The following NTMT1 variants were observed in gnomAD, a reference collection of about 807,000 sequenced individuals.
NTMT1 encodes N-terminal RCC1 methyltransferase.
NTMT1 carries 8 observed loss-of-function variants against 17.5 expected under a neutral mutation model. The ratio of observed to expected loss-of-function variants is 0.46; its 90% CI spans 0.27 to 0.82. NTMT1 has a LOEUF of 0.82. Ranked by LOEUF, NTMT1 falls within the 40% of genes least tolerant of loss-of-function variation. NTMT1 has a pLI of 0.15. For synonymous variants in NTMT1, 128 were observed against 126.8 expected, an observed-to-expected ratio of 1.01 and a Z score of -0.06; for missense variants, 221 against 303.5, an observed-to-expected ratio of 0.73 and a Z score of 2.02.
chr9:129,634,022 C>T, intron 2 of NTMT1, 32 bp from the exon 3 acceptor site: 1 of 1,596,792 alleles, frequency 6.3e-7, no homozygotes. Flanking sequence ...TGACAGGGTC[C>T]CTCTGATAGG....
chr9:129,613,035 G>T lies in NTMT1; in HGVS notation c.-55+3857G>T. The stretch of plus-strand genomic sequence containing the variant: ...CAGCCCCAGCCACTCCACCAAACAG[G>T]GCTGCTCCCGGAGCCAGCTGCCAGC... On this transcript the variant is annotated intron_variant, in intron 1 of 3. Coordinates refer to the NTMT1 transcript ENST00000372486. The surrounding 1 kb of genome is among the most constrained non-coding windows in gnomAD (Gnocchi z 6.2). The T allele has an allele frequency of 2.5e-6, 4 of 1,589,014 alleles. No homozygotes were observed. The highest frequency in any genetic ancestry group is 3.4e-6 in the Non-Finnish European group (4 of 1,168,974).
At chr9:129,622,113 C>A (rs1437675883), upstream of NTMT1, among the ~76,000 whole-genome samples, 3 of 152,222 alleles carry the variant, frequency 2.0e-5, no homozygotes, top group Non-Finnish European at 4.4e-5. Context: ...CCTACCCTTT[C>A]CAGATCTGGG....
chr9:129,634,184 T>C lies in NTMT1; in HGVS notation c.293T>C (p.Val98Ala), dbSNP rs767744773. ...GTCGACATAACGGAGGACTTCCTGG[T>C]TCAAGCCAAGACCTACCTGGGGGAG... Reference protein sequence around the residue: ...DMVDITEDFLVQAKTYLGEEG... With the variant: ...DMVDITEDFLAQAKTYLGEEG... Residue 98 changes from valine to alanine, a missense_variant, in exon 3 of 4, where the codon GTT (valine) becomes GCT (alanine). Physicochemically the swap from Val to Ala is moderately conservative, Grantham distance 64. Coordinates refer to ENST00000372483, the MANE Select transcript of NTMT1 (RefSeq NM_014064.4). 17 of 1,614,092 alleles carry C rather than the reference T, an allele frequency of 1.1e-5. No individual in the cohort carries two copies. In the East Asian group the frequency reaches 3.8e-4, roughly 36 times the overall value.
chr9:129,635,058 A>ATC, intron 3 of NTMT1, 150 bp from the exon 4 acceptor site: 2 of 877,778 alleles, frequency 2.3e-6, no homozygotes, highest in Non-Finnish European at 3.5e-6. Flanking sequence ...GGTTTAGTAA[A>ATC]TCTCTCGGGA....
At chr9:129,615,124 C>T (rs1475193559) in intron 1 of NTMT1, among the ~76,000 whole-genome samples, 1 of 152,214 alleles carries the variant, frequency 6.6e-6, no homozygotes, top group Non-Finnish European at 1.5e-5. Flanking sequence ...GGCATCTGGA[C>T]CTCCTCCAGC....
chr9:129,613,568 C>A lies in NTMT1; in HGVS notation c.-55+4390C>A. The A allele has an allele frequency of 6.2e-7, 1 of 1,614,160 alleles. No homozygotes were observed. On this transcript the variant is annotated intron_variant, in intron 1 of 3. Coordinates refer to the NTMT1 transcript ENST00000372486. The surrounding 1 kb of genome is among the most constrained non-coding windows in gnomAD (Gnocchi z 6.2). ...CGCTCGGACGCCACTGGCAGGGCGGCCTTCTGGTTCACAATGACGCTCTGT... is the reference window on the plus strand; with the variant it reads ...CGCTCGGACGCCACTGGCAGGGCGGACTTCTGGTTCACAATGACGCTCTGT...
At chr9:129,615,403 T>C (rs1001325390) in intron 1 of NTMT1, 26 of 1,424,578 alleles carry the variant, frequency 1.8e-5, no homozygotes, top group Non-Finnish European at 2.4e-5. Flanking sequence ...TCCCTCACTC[T>C]AGGGGCCCGG....
chr9:129,621,894 G>T (rs187341272), upstream of NTMT1, among the ~76,000 whole-genome samples: 7 of 152,278 alleles, frequency 4.6e-5, no homozygotes, highest in East Asian at 1.4e-3. Flanking sequence ...CAGGCAGGCT[G>T]TAGAGCCCAT....
chr9:129,619,279 A>G (rs1260779811), intron 1 of NTMT1, among the ~76,000 whole-genome samples: 2 of 152,178 alleles, frequency 1.3e-5, no homozygotes, highest in African/African-American at 2.4e-5. Context: ...GAATAGATTC[A>G]TGGATGAATT....
At chr9:129,631,876 C>T (rs1049514966) in intron 1 of NTMT1, among the ~76,000 whole-genome samples, 2 of 152,216 alleles carry the variant, frequency 1.3e-5, no homozygotes, top group South Asian at 2.1e-4. Context: ...GCAGCCCTCC[C>T]TGCAGGTGTG....
chr9:129,629,520 A>G lies in NTMT1; in HGVS notation c.-54-3130A>G, dbSNP rs372196248. On this transcript the variant is annotated intron_variant, in intron 1 of 3. Transcript: ENST00000372483. ...ATCCTCCCACCTCAGTCTCCCTAGT[A>G]GCTACTAGAATGTGTGTATTTTTGA... Among the ~76,000 whole-genome samples the G allele has an allele frequency of 2.0e-5, 3 of 152,110 alleles. No homozygotes were observed. The East Asian group carries it at 5.8e-4, about 29-fold the overall frequency.
upstream of NTMT1, among the ~76,000 whole-genome samples, chr9:129,623,564 G>A (rs1418019203): frequency 1.3e-5 from 2 of 152,124 alleles, no homozygotes; most frequent in Non-Finnish European, 2.9e-5. Context: ...TTTCACTGGC[G>A]TGGCATAGTT....
chr9:129,615,151 G>A (rs1830292404), intron 1 of NTMT1, among the ~76,000 whole-genome samples: 1 of 152,240 alleles, frequency 6.6e-6, no homozygotes, highest in Non-Finnish European at 1.5e-5. Context: ...AGGCTGTGGG[G>A]ACTGCGGAGG....
chr9:129,632,350 G>A (rs1831213717), intron 1 of NTMT1, among the ~76,000 whole-genome samples: 1 of 152,190 alleles, frequency 6.6e-6, no homozygotes, highest in South Asian at 2.1e-4. Context: ...AGGGTGAGGT[G>A]GGAGGGTCTC....
chr9:129,620,459 G>A lies in NTMT1; in HGVS notation c.-55+11281G>A, dbSNP rs764531058. On this transcript the variant is annotated intron_variant, in intron 1 of 3. Coordinates refer to the NTMT1 transcript ENST00000372486. The surrounding 1 kb of genome is among the most constrained non-coding windows in gnomAD (Gnocchi z 5.8). ...CCGCGCGCCCAGAGCCGCTCGGAGC[G>A]CGGGCGGGGTCAGCTTGGGCAGCCG... 31 of 1,330,604 alleles carry A rather than the reference G, an allele frequency of 2.3e-5. No individual in the cohort carries two copies. In the African/African-American group the frequency reaches 4.1e-4, roughly 18 times the overall value. 82.4% of individuals were successfully genotyped at this position (1,330,604 alleles called of 1,614,324 possible). A position where few individuals can be genotyped will look rare whatever the true frequency, so the allele number is the denominator to read the frequency against.
At chr9:129,618,438 A>G (rs1830497359) in intron 1 of NTMT1, among the ~76,000 whole-genome samples, 1 of 152,096 alleles carries the variant, frequency 6.6e-6, no homozygotes, top group Non-Finnish European at 1.5e-5. Flanking sequence ...TGATGGGTGG[A>G]TGGACTGATG....
chr9:129,616,966 C>T (rs991576176), intron 1 of NTMT1, among the ~76,000 whole-genome samples: 1 of 151,924 alleles, frequency 6.6e-6, no homozygotes, highest in Non-Finnish European at 1.5e-5. Context: ...TCCAGTTACT[C>T]GAGAGGTTGA....
Position 129,615,505 on chromosome 9 carries a change from A to G in NTMT1, c.-55+6327A>G, listed in dbSNP as rs561500325. 1.3e-5 allele frequency: 21 copies of G among 1,604,206 alleles called. No individual in the cohort carries two copies. The African/African-American group carries it at 2.0e-4, about 15-fold the overall frequency. On this transcript the variant is annotated intron_variant, in intron 1 of 3. Coordinates refer to the NTMT1 transcript ENST00000372486. ...TTACCTGAGCGTCTGCGCTCCCAGT[A>G]GCGGAGCGTTGTGTCCTGCAGGGTC... is the stretch of plus-strand genomic sequence containing the variant.
upstream of NTMT1, among the ~76,000 whole-genome samples, chr9:129,623,031 TAA>T (rs60904643): frequency 1.5e-3 from 218 of 144,878 alleles, no homozygotes; most frequent in African/African-American, 5.2e-3. Context: ...TCCATCTCCA[TAA>T]AAAAAAAAAG....
Sources: allele counts gnomAD v4.1 joint callset (sites outside exome capture counted in the v4.1 genomes callset), GRCh38; gene constraint gnomAD v4.1.1; non-coding constraint Gnocchi (gnomAD v3.1); transcripts MANE v1.5; gene names NCBI Gene and HGNC (gene_info 2026-07-23, HGNC 2026-07-21).